MYO16: variants seen among roughly 807,000 people sequenced by gnomAD.
MYO16 encodes unconventional myosin-XVI.
Under a neutral mutation model 205.3 loss-of-function variants are expected in MYO16, and 94 were observed. The ratio of observed to expected loss-of-function variants is 0.46; its 90% CI spans 0.39 to 0.54. The LOEUF is 0.54. Among genes scored for constraint, MYO16 ranks in the 20% least tolerant of loss-of-function variants. The pLI is 0.00. For synonymous variants in MYO16, 988 were observed against 954.0 expected, an observed-to-expected ratio of 1.04 and a Z score of -0.66; for missense variants, 2,315 against 2,387.5, an observed-to-expected ratio of 0.97 and a Z score of 0.63.
chr13:108,913,570 A>C (rs1414815819), intron 16 of MYO16, among the ~76,000 whole-genome samples: 1 of 152,222 alleles, frequency 6.6e-6, no homozygotes, highest in East Asian at 1.9e-4. Flanking sequence ...TGTAAACCTG[A>C]ATTTGCGAGC....
chr13:108,719,015 C>A (rs1004378480), intron 3 of MYO16, among the ~76,000 whole-genome samples: 5 of 152,112 alleles, frequency 3.3e-5, no homozygotes, highest in African/African-American at 1.2e-4. Flanking sequence ...ATACACCACA[C>A]GGGCCTGATT....
the MYO16 span, among the ~76,000 whole-genome samples, chr13:108,541,885 T>C: frequency 6.6e-6 from 1 of 152,114 alleles, no homozygotes; most frequent in Non-Finnish European, 1.5e-5. Flanking sequence ...AGTTCAGCCA[T>C]TGTGGAAAGC....
At chr13:108,611,767 A>C (rs189725539) in intron 1 of MYO16, among the ~76,000 whole-genome samples, 1 of 152,198 alleles carries the variant, frequency 6.6e-6, no homozygotes, top group African/African-American at 2.4e-5. Context: ...AAGCTAGGGT[A>C]CTGTGCTCCT....
At chr13:108,883,207 T>C in intron 13 of MYO16, 21 bp downstream of exon 13, 2 of 1,606,818 alleles carry the variant, frequency 1.2e-6, no homozygotes, top group South Asian at 2.2e-5. Flanking sequence ...CTCAACCTTG[T>C]CTGCCAGGCT....
intron 12 of MYO16, among the ~76,000 whole-genome samples, chr13:108,868,597 A>G (rs1878843271): frequency 6.6e-6 from 1 of 152,084 alleles, no homozygotes; most frequent in South Asian, 2.1e-4. Flanking sequence ...TAAAAAATGT[A>G]TATTAACCTG....
At chr13:109,063,527 T>G (rs1042640214) in intron 27 of MYO16, among the ~76,000 whole-genome samples, 15 of 152,150 alleles carry the variant, frequency 9.9e-5, no homozygotes, top group African/African-American at 3.4e-4. Flanking sequence ...TCTAAGAAGG[T>G]AATTAAAGTT....
At chr13:109,139,892 T>C (rs1258831841) in intron 31 of MYO16, among the ~76,000 whole-genome samples, 1 of 152,100 alleles carries the variant, frequency 6.6e-6, no homozygotes, top group African/African-American at 2.4e-5. Context: ...CTATTTATTT[T>C]ACTTTTGTTT....
rs545523281 is a variant in MYO16, at chr13:108,772,721, C to A, written c.508-12914C>A. The stretch of plus-strand genomic sequence containing the variant: ...TGATCACTGTTGTGTAAGAGAATAT[C>A]CTTGTTCTTATAAAATACATACTAA... On this transcript the variant is annotated intron_variant, in intron 4 of 34. Transcript: ENST00000457511. 3.9e-5 allele frequency among the ~76,000 whole-genome samples: 6 copies of A among 152,148 alleles called. No individual in the cohort carries two copies. In the South Asian group the frequency reaches 1.2e-3, roughly 32 times the overall value.
At chr13:109,159,383 T>C (rs1429195704) in intron 32 of MYO16, among the ~76,000 whole-genome samples, 1 of 152,238 alleles carries the variant, frequency 6.6e-6, no homozygotes, top group Non-Finnish European at 1.5e-5. Context: ...TGCATAAAAT[T>C]TTCATTTAGT....
chr13:108,655,818 T>A, intron 1 of MYO16, among the ~76,000 whole-genome samples: 1 of 152,180 alleles, frequency 6.6e-6, no homozygotes, highest in Non-Finnish European at 1.5e-5. Flanking sequence ...ACTGCCCCAC[T>A]GTATTTTAGA....
chr13:109,029,845 T>C (rs1005089116), intron 23 of MYO16, among the ~76,000 whole-genome samples: 1 of 152,224 alleles, frequency 6.6e-6, no homozygotes, highest in African/African-American at 2.4e-5. Flanking sequence ...ACCTAGGTTT[T>C]GTTAAGACAA....
intron 1 of MYO16, among the ~76,000 whole-genome samples, chr13:108,616,362 G>A (rs950019293): frequency 4.6e-5 from 7 of 152,072 alleles, no homozygotes; most frequent in Admixed American, 2.0e-4. Context: ...CTGAGTAAGC[G>A]CAATCCCCGG....
intron 9 of MYO16, among the ~76,000 whole-genome samples, chr13:108,827,989 GT>G (rs201250216): frequency 2.2e-3 from 328 of 151,938 alleles, no homozygotes; most frequent in African/African-American, 7.4e-3. Context: ...TGATGAAAGG[GT>G]TTTTTTTACT....
At chr13:109,194,034 A>G (rs1253962649) in intron 34 of MYO16, among the ~76,000 whole-genome samples, 1 of 152,194 alleles carries the variant, frequency 6.6e-6, no homozygotes, top group African/African-American at 2.4e-5. Context: ...AACAGCAGTA[A>G]TGACATGCAT....
intron 23 of MYO16, among the ~76,000 whole-genome samples, chr13:109,038,968 G>A (rs546184931): frequency 6.6e-6 from 1 of 152,218 alleles, no homozygotes; most frequent in African/African-American, 2.4e-5. Flanking sequence ...ACTGTGCAGA[G>A]ATAATACCCC....
intron 10 of MYO16, among the ~76,000 whole-genome samples, chr13:108,851,638 G>T (rs951712227): frequency 2.0e-5 from 3 of 152,162 alleles, no homozygotes; most frequent in Non-Finnish European, 4.4e-5. Flanking sequence ...GTGCAACTTA[G>T]TTGCATACAG....
At chr13:108,889,540 T>TG (rs1043036374) in intron 14 of MYO16, among the ~76,000 whole-genome samples, 13 of 151,826 alleles carry the variant, frequency 8.6e-5, no homozygotes, top group African/African-American at 3.1e-4. Context: ...TGGCTAACAG[T>TG]GGGGGGAACA....
At chr13:108,967,585 A>G (rs1883844077) in intron 20 of MYO16, among the ~76,000 whole-genome samples, 1 of 152,206 alleles carries the variant, frequency 6.6e-6, no homozygotes, top group Admixed American at 6.5e-5. Flanking sequence ...GCTGGGGACC[A>G]CTGAGGGCCA....
At chr13:108,924,604 T>C (rs1460900445) in intron 16 of MYO16, among the ~76,000 whole-genome samples, 1 of 152,238 alleles carries the variant, frequency 6.6e-6, no homozygotes. Flanking sequence ...TTCCCAGACG[T>C]ACCCTGCTTA....
Sources: allele counts gnomAD v4.1 joint callset (sites outside exome capture counted in the v4.1 genomes callset), GRCh38; gene constraint gnomAD v4.1.1; transcripts MANE v1.5; gene names NCBI Gene and HGNC (gene_info 2026-07-23, HGNC 2026-07-21).